The following CELF2 variants were observed in gnomAD, a reference collection of about 807,000 sequenced individuals.
CELF2 encodes CUGBP Elav-like family member 2, also known as CUG triplet repeat RNA-binding protein 2.
A neutral mutation model predicts 62.6 loss-of-function variants in CELF2; 8 were observed. The observed-to-expected ratio is 0.13, with a 90% CI of 0.07 to 0.23. The LOEUF is 0.23. Ranked by LOEUF, CELF2 falls within the 10% of genes least tolerant of loss-of-function variation. The probability of loss-of-function intolerance (pLI) is 1.00; values close to 1 mark genes in which losing one functional copy is unlikely to be tolerated. For synonymous variants in CELF2, 258 were observed against 250.0 expected (o/e 1.03, Z -0.30); for missense variants, 333 against 671.0 (o/e 0.50, Z 5.56).
At chr10:11,005,292 G>A (rs1454810292), upstream of CELF2, 1 of 1,586,202 alleles carries the variant, frequency 6.3e-7, no homozygotes, top group Non-Finnish European at 8.6e-7. This position sits in a 1 kb window ranked among gnomAD's most constrained non-coding sequence, Gnocchi z 4.3. Flanking sequence ...GAGAGAGAGA[G>A]AGGGAGGAGA....
At chr10:11,100,548 T>C (rs992698089) in intron 1 of CELF2, among the ~76,000 whole-genome samples, 1 of 150,606 alleles carries the variant, frequency 6.6e-6, no homozygotes, top group Non-Finnish European at 1.5e-5. Context: ...CTCTAGGAAA[T>C]GAAAAGGGAA....
chr10:10,736,231 A>T, the CELF2 span, among the ~76,000 whole-genome samples: 5 of 152,214 alleles, frequency 3.3e-5, no homozygotes, highest in East Asian at 3.9e-4. Context: ...ACAATGGCTC[A>T]TGAAAGTCTT....
chr10:10,529,045 G>C, the CELF2 span, among the ~76,000 whole-genome samples: 2 of 152,196 alleles, frequency 1.3e-5, no homozygotes, highest in South Asian at 2.1e-4. Flanking sequence ...AAATAAGCTA[G>C]ATATACAATA....
chr10:10,762,512 G>A, the CELF2 span, among the ~76,000 whole-genome samples: 3 of 152,120 alleles, frequency 2.0e-5, no homozygotes, highest in African/African-American at 7.2e-5. Flanking sequence ...GTCCTGGAAG[G>A]GGAGTCACCT....
chr10:10,819,133 G>A (rs932384449), intron 1 of CELF2, among the ~76,000 whole-genome samples: 2 of 152,046 alleles, frequency 1.3e-5, no homozygotes, highest in African/African-American at 4.8e-5. Context: ...CTCTAACATG[G>A]GAATGATAGC....
chr10:10,969,531 A>C (rs1205451836), intron 2 of CELF2, among the ~76,000 whole-genome samples: 1 of 152,240 alleles, frequency 6.6e-6, no homozygotes. Flanking sequence ...TGTGCTACAC[A>C]TACAAAGATA....
intron 1 of CELF2, among the ~76,000 whole-genome samples, chr10:11,160,032 C>T (rs2065342370): frequency 6.6e-6 from 1 of 152,208 alleles, no homozygotes; most frequent in Admixed American, 6.5e-5. Context: ...GACACCTTGT[C>T]AGCTCTCCAG....
intron 1 of CELF2, among the ~76,000 whole-genome samples, chr10:11,025,473 C>T (rs1192355016): frequency 1.3e-5 from 2 of 152,106 alleles, no homozygotes; most frequent in African/African-American, 2.4e-5. Flanking sequence ...CTTCGTTCAA[C>T]GCTTTCCCTT....
At chr10:11,063,465 A>C (rs1291998740) in intron 1 of CELF2, among the ~76,000 whole-genome samples, 1 of 152,224 alleles carries the variant, frequency 6.6e-6, no homozygotes, top group Non-Finnish European at 1.5e-5. Flanking sequence ...TTTTATTTGA[A>C]AGCATTGCTG....
At chr10:10,663,811 A>C in the CELF2 span, among the ~76,000 whole-genome samples, 1 of 152,258 alleles carries the variant, frequency 6.6e-6, no homozygotes, top group Non-Finnish European at 1.5e-5. Context: ...CTAACTCAAC[A>C]GTAGCCACAT....
At chr10:11,221,921 G>C (rs1368926490) in intron 3 of CELF2, among the ~76,000 whole-genome samples, 1 of 152,238 alleles carries the variant, frequency 6.6e-6, no homozygotes, top group Non-Finnish European at 1.5e-5. Flanking sequence ...AGCGAGGACT[G>C]CCAGAGATCT....
chr10:10,465,546 C>T, the CELF2 span, among the ~76,000 whole-genome samples: 3 of 152,076 alleles, frequency 2.0e-5, no homozygotes, highest in Non-Finnish European at 4.4e-5. Context: ...GTAGTCTTAA[C>T]AGCTGTAATT....
the CELF2 span, among the ~76,000 whole-genome samples, chr10:10,544,252 G>A: frequency 6.6e-6 from 1 of 152,214 alleles, no homozygotes; most frequent in Non-Finnish European, 1.5e-5. Context: ...AAGGCATGGA[G>A]TGGTTTGCCA....
At chr10:10,545,468 G>T in the CELF2 span, among the ~76,000 whole-genome samples, 1 of 152,144 alleles carries the variant, frequency 6.6e-6, no homozygotes, top group South Asian at 2.1e-4. Context: ...ATTTCTCTAA[G>T]CAAGGAAAAG....
chr10:11,077,216 A>G (rs931686777), intron 1 of CELF2, among the ~76,000 whole-genome samples: 1 of 152,226 alleles, frequency 6.6e-6, no homozygotes. Flanking sequence ...GGTTGTAAGA[A>G]CCAAGTGTGC....
At chr10:10,834,635 G>A (rs1230067961) in intron 1 of CELF2, among the ~76,000 whole-genome samples, 1 of 152,092 alleles carries the variant, frequency 6.6e-6, no homozygotes, top group Admixed American at 6.5e-5. Flanking sequence ...TGGCTAGTAG[G>A]GACCATCCTG....
At chr10:10,739,103 T>C in the CELF2 span, among the ~76,000 whole-genome samples, 1 of 152,126 alleles carries the variant, frequency 6.6e-6, no homozygotes, top group Non-Finnish European at 1.5e-5. Context: ...GTTACCAACT[T>C]ATTTTTAAGT....
At chr10:10,710,263 TACTC>T in the CELF2 span, among the ~76,000 whole-genome samples, 1 of 152,200 alleles carries the variant, frequency 6.6e-6, no homozygotes, top group Non-Finnish European at 1.5e-5. Context: ...TTTCTCAAAA[TACTC>T]AGGCAGGCTG....
At chr10:11,240,832 T>C (rs1398899292) in intron 3 of CELF2, among the ~76,000 whole-genome samples, 1 of 152,192 alleles carries the variant, frequency 6.6e-6, no homozygotes, top group African/African-American at 2.4e-5. Flanking sequence ...ATGGTAATGT[T>C]ACAGATTCTT....
Sources: gnomAD v4.1 joint callset for allele counts (sites outside exome capture counted in the v4.1 genomes callset) on GRCh38, gnomAD v4.1.1 for gene constraint, Gnocchi (gnomAD v3.1) non-coding constraint, MANE v1.5 for transcripts, NCBI Gene and HGNC (gene_info 2026-07-23, HGNC 2026-07-21) for gene names.